The following RASSF3 variants were observed in gnomAD, a reference collection of about 807,000 sequenced individuals.
The protein encoded by RASSF3 is ras association domain-containing protein 3.
Under a neutral mutation model 19.9 loss-of-function variants are expected in RASSF3, and 19 were observed. The ratio of observed to expected loss-of-function variants is 0.96; its 90% CI spans 0.67 to 1.40. The LOEUF (loss-of-function observed/expected upper bound fraction) is 1.40, where lower values mean the gene tolerates loss of function less well. Ranked by LOEUF, RASSF3 falls within the 40% of genes most tolerant of loss-of-function variation. RASSF3 has a pLI of 0.00. For synonymous variants in RASSF3, 110 were observed against 104.2 expected, an observed-to-expected ratio of 1.06 and a Z score of -0.34; for missense variants, 306 against 289.8, an observed-to-expected ratio of 1.06 and a Z score of -0.41.
chr12:64,679,119 A>G (rs1444786764), intron 1 of RASSF3, among the ~76,000 whole-genome samples: 2 of 152,164 alleles, frequency 1.3e-5, no homozygotes, highest in Non-Finnish European at 2.9e-5. Context: ...CTGGAGTGCA[A>G]TGGCACGATC....
chr12:64,623,129 A>C (rs1051066457), intron 1 of RASSF3, among the ~76,000 whole-genome samples: 2 of 152,046 alleles, frequency 1.3e-5, no homozygotes, highest in African/African-American at 4.8e-5. Context: ...CCACCGTGAA[A>C]ATTTTCTACA....
intron 2 of RASSF3, among the ~76,000 whole-genome samples, chr12:64,554,676 T>C (rs180970062): frequency 6.6e-6 from 1 of 152,142 alleles, no homozygotes; most frequent in Non-Finnish European, 1.5e-5. Context: ...TCAAGGAATT[T>C]TGCTCCCAAG....
At chr12:64,549,795 ATGTT>A (rs1869127604) in intron 2 of RASSF3, among the ~76,000 whole-genome samples, 2 of 152,142 alleles carry the variant, frequency 1.3e-5, no homozygotes, top group African/African-American at 2.4e-5. Flanking sequence ...TGACTCCTAT[ATGTT>A]TGTCTGTGTG....
chr12:64,531,436 A>AAG (rs1445788665), upstream of RASSF3, among the ~76,000 whole-genome samples: 2 of 152,164 alleles, frequency 1.3e-5, no homozygotes, highest in Non-Finnish European at 2.9e-5. Flanking sequence ...TTATGGCAAA[A>AAG]ATATATATAA....
At chr12:64,645,843 G>C (rs1208813900) in intron 1 of RASSF3, among the ~76,000 whole-genome samples, 1 of 152,110 alleles carries the variant, frequency 6.6e-6, no homozygotes, top group Non-Finnish European at 1.5e-5. Context: ...TAGAAATGCA[G>C]TACATTTCTG....
At chr12:64,549,363 T>C (rs1869119164) in intron 2 of RASSF3, among the ~76,000 whole-genome samples, 1 of 152,190 alleles carries the variant, frequency 6.6e-6, no homozygotes, top group Non-Finnish European at 1.5e-5. Flanking sequence ...TGAAAGCTAA[T>C]CAGAGGCCAC....
At chr12:64,547,805 T>C (rs529022265) in intron 2 of RASSF3, among the ~76,000 whole-genome samples, 2 of 152,220 alleles carry the variant, frequency 1.3e-5, no homozygotes, top group African/African-American at 4.8e-5. Flanking sequence ...TCCTGTTGTA[T>C]TGCATATATT....
upstream of RASSF3, among the ~76,000 whole-genome samples, chr12:64,608,565 T>G (rs938610606): frequency 6.6e-6 from 1 of 152,198 alleles, no homozygotes; most frequent in Non-Finnish European, 1.5e-5. Context: ...CACCCGCCTC[T>G]GCCTCCTCAG....
At chr12:64,520,361 T>C (rs1282509005) in intron 1 of RASSF3, among the ~76,000 whole-genome samples, 2 of 151,508 alleles carry the variant, frequency 1.3e-5, no homozygotes, top group Admixed American at 1.3e-4. Flanking sequence ...TGGGGTTTTA[T>C]TATGTTGGCC....
At chr12:64,593,627 T>G (rs2136141672) in intron 2 of RASSF3, among the ~76,000 whole-genome samples, 1 of 152,304 alleles carries the variant, frequency 6.6e-6, no homozygotes, top group Non-Finnish European at 1.5e-5. Flanking sequence ...TATATAGGCC[T>G]AATGTATATT....
intron 2 of RASSF3, among the ~76,000 whole-genome samples, chr12:64,579,268 AT>A (rs1592406796): frequency 1.3e-5 from 2 of 152,154 alleles, no homozygotes; most frequent in Non-Finnish European, 2.9e-5. Flanking sequence ...AGGCATGGAA[AT>A]AATCATATTT....
intron 1 of RASSF3, among the ~76,000 whole-genome samples, chr12:64,640,551 C>T (rs1447650167): frequency 6.6e-6 from 1 of 152,188 alleles, no homozygotes; most frequent in Non-Finnish European, 1.5e-5. Context: ...TGGAATTATG[C>T]AGTATTTGTC....
chr12:64,687,593 T>A (rs922868738), intron 2 of RASSF3, among the ~76,000 whole-genome samples: 5 of 152,084 alleles, frequency 3.3e-5, no homozygotes, highest in Admixed American at 6.6e-5. Flanking sequence ...AATTTTTTTT[T>A]AAAATGCTGC....
intron 1 of RASSF3, among the ~76,000 whole-genome samples, chr12:64,622,130 A>C (rs1870794203): frequency 1.3e-5 from 2 of 152,070 alleles, no homozygotes; most frequent in Non-Finnish European, 2.9e-5. Flanking sequence ...GGCTCACTGC[A>C]ATCTCTGCCT....
intron 1 of RASSF3, among the ~76,000 whole-genome samples, chr12:64,673,250 C>G (rs1592461076): frequency 6.6e-6 from 1 of 152,138 alleles, no homozygotes; most frequent in African/African-American, 2.4e-5. Context: ...ACGCCTTGAA[C>G]AGTGAGATGT....
At chr12:64,652,501 G>C (rs961917139) in intron 1 of RASSF3, among the ~76,000 whole-genome samples, 7 of 149,824 alleles carry the variant, frequency 4.7e-5, no homozygotes, top group Non-Finnish European at 7.4e-5. Flanking sequence ...CTCCTGAGTA[G>C]CTTGGACCAG....
At chr12:64,587,143 TC>T (rs755870266) in intron 2 of RASSF3, among the ~76,000 whole-genome samples, 125 of 432 alleles carry the variant, frequency 0.29, no homozygotes, top group Non-Finnish European at 0.4. Context: ...AACCTCCGCC[TC>T]CTAGGGTTCA....
At chr12:64,651,026 G>T (rs1871934176) in intron 1 of RASSF3, among the ~76,000 whole-genome samples, 1 of 152,092 alleles carries the variant, frequency 6.6e-6, no homozygotes, top group Non-Finnish European at 1.5e-5. Flanking sequence ...TGTTTGCTGT[G>T]TGTGCTTGGC....
chr12:64,581,150 T>A (rs76384965), intron 2 of RASSF3, among the ~76,000 whole-genome samples: 2,606 of 151,932 alleles, frequency 0.017, 80 homozygotes, highest in African/African-American at 0.06. Context: ...TAAACACTGA[T>A]TTAAGCTAAG....
Sources: allele counts gnomAD v4.1 joint callset (sites outside exome capture counted in the v4.1 genomes callset), GRCh38; gene constraint gnomAD v4.1.1; transcripts MANE v1.5; gene names NCBI Gene and HGNC (gene_info 2026-07-23, HGNC 2026-07-21).